Variants in AGTPBP1 observed in about 807,000 individuals in gnomAD.
AGTPBP1 encodes the protein ATP/GTP binding carboxypeptidase 1, also known as cytosolic carboxypeptidase 1.
A neutral mutation model predicts 143.9 loss-of-function variants in AGTPBP1; 70 were observed. That is an observed-to-expected ratio of 0.49 (90% CI 0.40 to 0.59). AGTPBP1 has a LOEUF of 0.59. Among genes scored for constraint, AGTPBP1 ranks in the 20% least tolerant of loss-of-function variants. AGTPBP1 has a pLI of 0.00. For missense variants in AGTPBP1, 1,229 were observed against 1,464.5 expected, an observed-to-expected ratio of 0.84 and a Z score of 2.62; for synonymous variants, 463 against 500.2, an observed-to-expected ratio of 0.93 and a Z score of 0.99.
chr9:85,561,565 T>C (rs1826727048), intron 25 of AGTPBP1, among the ~76,000 whole-genome samples: 1 of 151,680 alleles, frequency 6.6e-6, no homozygotes, highest in Non-Finnish European at 1.5e-5. Context: ...CAAGTAAAGG[T>C]GAAGAGATAG....
chr9:85,755,857 TG>T, the AGTPBP1 span, among the ~76,000 whole-genome samples: 3 of 152,176 alleles, frequency 2.0e-5, no homozygotes, highest in Admixed American at 6.5e-5. Flanking sequence ...TTAACATATC[TG>T]GGGGGTAAAT....
chr9:85,781,076 C>T, the AGTPBP1 span: 40 of 1,251,910 alleles, frequency 3.2e-5, no homozygotes, highest in Middle Eastern at 2.9e-4. Flanking sequence ...GAGCATATCA[C>T]GCCACTGCAC....
At chr9:85,793,039 T>A in the AGTPBP1 span, among the ~76,000 whole-genome samples, 1 of 152,312 alleles carries the variant, frequency 6.6e-6, no homozygotes, top group South Asian at 2.1e-4. Flanking sequence ...CTGGGAAGAT[T>A]AATGTGAATT....
chr9:85,585,923 C>T (rs1828571602), intron 22 of AGTPBP1, among the ~76,000 whole-genome samples: 1 of 152,078 alleles, frequency 6.6e-6, no homozygotes, highest in South Asian at 2.1e-4. Flanking sequence ...AAAACATTTA[C>T]CTAATTTGGC....
At chr9:85,762,805 A>G in the AGTPBP1 span, among the ~76,000 whole-genome samples, 2 of 148,126 alleles carry the variant, frequency 1.4e-5, no homozygotes, top group Non-Finnish European at 3.0e-5. Context: ...ATAAAACTTT[A>G]TATATATGTA....
rs146851540 is a variant in AGTPBP1, at chr9:85,683,660, C to T, written c.158-2325G>A. 8.1e-4 allele frequency among the ~76,000 whole-genome samples: 124 copies of T among 152,162 alleles called. 1 individual carries two copies. The highest frequency in any genetic ancestry group is 6.8e-3 in the Middle Eastern group (2 of 294). The stretch of plus-strand genomic sequence containing the variant: ...TCAAATACCTAGTTCCATAGTTTCT[C>T]GACCTCATAACAAAATCCTTCCCTC... On this transcript the variant is annotated intron_variant, in intron 3 of 25. Coordinates refer to ENST00000357081, the MANE Select transcript of AGTPBP1 (RefSeq NM_001330701.2).
chr9:85,712,149 C>T (rs1005225733), intron 2 of AGTPBP1, among the ~76,000 whole-genome samples: 11 of 151,964 alleles, frequency 7.2e-5, no homozygotes, highest in African/African-American at 2.7e-4. Context: ...CCTGTAATCC[C>T]AGCTACTCCA....
At chr9:85,746,714 T>G (rs754796190), upstream of AGTPBP1, among the ~76,000 whole-genome samples, 73 of 151,916 alleles carry the variant, frequency 4.8e-4, no homozygotes, top group Non-Finnish European at 8.2e-4. Context: ...TATTGTATAC[T>G]GGAAATTTGC....
chr9:85,715,830 C>T (rs1431786858), intron 1 of AGTPBP1, among the ~76,000 whole-genome samples: 1 of 152,072 alleles, frequency 6.6e-6, no homozygotes, highest in Non-Finnish European at 1.5e-5. Context: ...CTTTGCCAAG[C>T]AAGTGTGATA....
intron 2 of AGTPBP1, among the ~76,000 whole-genome samples, chr9:85,708,099 T>C (rs1837131976): frequency 6.6e-6 from 1 of 152,096 alleles, no homozygotes; most frequent in Non-Finnish European, 1.5e-5. Flanking sequence ...GAAGAAGAAA[T>C]GGTTTTTCTA....
Position 85,708,580 on chromosome 9 carries a change from G to A in AGTPBP1, c.32+3922C>T, listed in dbSNP as rs1043291776. Among the ~76,000 whole-genome samples the A allele has an allele frequency of 5.3e-4, 81 of 152,176 alleles. 1 individual carries two copies. Among genetic ancestry groups the A allele is most frequent in the African/African-American group, 1.7e-3 (71 of 41,520 alleles). ...TTTTGAGACAGATCACTCTTTCACC[G>A]AGGCCGGAGTGCAATGGCACTGTGT... is the stretch of plus-strand genomic sequence containing the variant. On this transcript the variant is annotated intron_variant, in intron 2 of 25. Coordinates refer to ENST00000357081, the MANE Select transcript of AGTPBP1 (RefSeq NM_001330701.2).
chr9:85,585,154 T>C lies in AGTPBP1; in HGVS notation c.3165+309A>G, dbSNP rs1157773009. Among the ~76,000 whole-genome samples the C allele has an allele frequency of 3.3e-5, 5 of 152,104 alleles. No homozygotes were observed. In the East Asian group the frequency reaches 5.8e-4, roughly 18 times the overall value. ...GGTATAATAATAGCCTTGCAATACA[T>C]CCATATATACAAAATAAGGTATGTA... On this transcript the variant is annotated intron_variant, in intron 23 of 25. Coordinates refer to ENST00000357081, the MANE Select transcript of AGTPBP1 (RefSeq NM_001330701.2).
chr9:85,743,981 A>G (rs1824554137), upstream of AGTPBP1, among the ~76,000 whole-genome samples: 1 of 147,056 alleles, frequency 6.8e-6, no homozygotes, highest in Non-Finnish European at 1.5e-5. Context: ...GCTGTAATAC[A>G]GTAGTGCAAT....
At chr9:85,752,472 C>CGTGGGTT in the AGTPBP1 span, among the ~76,000 whole-genome samples, 1 of 151,944 alleles carries the variant, frequency 6.6e-6, no homozygotes, top group Admixed American at 6.6e-5. Flanking sequence ...AGAGAATAAC[C>CGTGGGTT]CACTTATAAA....
At chr9:85,661,542 C>T (rs971920505) in intron 8 of AGTPBP1, among the ~76,000 whole-genome samples, 1 of 151,946 alleles carries the variant, frequency 6.6e-6, no homozygotes, top group Non-Finnish European at 1.5e-5. Context: ...CTATGACGCA[C>T]CAAGATGAAT....
intron 25 of AGTPBP1, among the ~76,000 whole-genome samples, chr9:85,558,236 A>AAGGTCAC (rs1271297765): frequency 6.6e-6 from 1 of 152,216 alleles, no homozygotes; most frequent in Non-Finnish European, 1.5e-5. Context: ...CAGACACATG[A>AAGGTCAC]AGGTCACATA....
At chr9:85,624,099 C>A (rs1831120897) in intron 14 of AGTPBP1, among the ~76,000 whole-genome samples, 1 of 152,196 alleles carries the variant, frequency 6.6e-6, no homozygotes, top group Non-Finnish European at 1.5e-5. Flanking sequence ...CAGGGCAACA[C>A]TATAAGAAAT....
intron 17 of AGTPBP1, among the ~76,000 whole-genome samples, chr9:85,615,317 C>G (rs1376268563): frequency 6.6e-6 from 1 of 152,050 alleles, no homozygotes; most frequent in Admixed American, 6.5e-5. Flanking sequence ...AATCCAACTT[C>G]TAGGAATTCA....
intron 2 of AGTPBP1, among the ~76,000 whole-genome samples, chr9:85,701,922 T>G (rs1248170581): frequency 1.3e-5 from 2 of 152,260 alleles, no homozygotes; most frequent in African/African-American, 2.4e-5. Context: ...CCTCTTTGAC[T>G]CAGGTTGTTC....
Sources: gnomAD v4.1 joint callset for allele counts (sites outside exome capture counted in the v4.1 genomes callset) on GRCh38, gnomAD v4.1.1 for gene constraint, MANE v1.5 for transcripts, NCBI Gene and HGNC (gene_info 2026-07-23, HGNC 2026-07-21) for gene names.